The following MYO1B variants were observed in gnomAD, a reference collection of about 807,000 sequenced individuals.
MYO1B encodes unconventional myosin-Ib.
Under a neutral mutation model 159.7 loss-of-function variants are expected in MYO1B, and 72 were observed. That is an observed-to-expected ratio of 0.45 (90% CI 0.37 to 0.55). The LOEUF (loss-of-function observed/expected upper bound fraction) is 0.55, where lower values mean the gene tolerates loss of function less well. MYO1B is among the 20% of genes least tolerant of loss of function. MYO1B has a pLI of 0.00. For missense variants in MYO1B, 1,062 were observed against 1,364.8 expected (o/e 0.78, Z 3.50); for synonymous variants, 468 against 473.8 (o/e 0.99, Z 0.16).
chr2:191,318,530 T>C (rs1690497614), intron 3 of MYO1B, among the ~76,000 whole-genome samples: 1 of 152,214 alleles, frequency 6.6e-6, no homozygotes, highest in Non-Finnish European at 1.5e-5. Context: ...GCAGTCTCTG[T>C]TCCGATCCAA....
Position 191,362,383 on chromosome 2 carries a change from T to G in MYO1B, c.765+12T>G. 2 of 1,604,656 alleles carry G rather than the reference T, an allele frequency of 1.2e-6. No individual in the cohort carries two copies. Among genetic ancestry groups the G allele is most frequent in the Non-Finnish European group, 1.7e-6 (2 of 1,172,246 alleles). On this transcript the variant is annotated intron_variant, in intron 9 of 30. Coordinates refer to ENST00000392318, the MANE Select transcript of MYO1B (RefSeq NM_001130158.3). ...TTAGAACCGTGCGGGTAAGATGTAG[T>G]ACTTTCATCAAGCTTTAAATTGCAT... is the stretch of plus-strand genomic sequence containing the variant.
chr2:191,343,780 A>G (rs916428680), intron 5 of MYO1B, among the ~76,000 whole-genome samples: 1 of 152,226 alleles, frequency 6.6e-6, no homozygotes, highest in South Asian at 2.1e-4. Context: ...AGTGCAGGAA[A>G]TAGAAGAAAT....
chr2:191,402,465 C>T (rs1696673256), intron 23 of MYO1B, 167 bp from the exon 24 acceptor site: 2 of 636,426 alleles, frequency 3.1e-6, no homozygotes, highest in African/African-American at 1.8e-5. Flanking sequence ...AGCGCTGCAC[C>T]AGCCTGACAC....
rs772514594 is a variant in MYO1B at position 191,348,003 on chromosome 2, T to C, written c.498+1721T>C. ...CTCACATTTTGAACCAGTATTCCCA[T>C]GGAGATGCCTCACAGTGTCCGCTCC... On this transcript the variant is annotated intron_variant, in intron 6 of 30. Coordinates refer to ENST00000392318, the MANE Select transcript of MYO1B (RefSeq NM_001130158.3). Among the ~76,000 whole-genome samples the C allele has an allele frequency of 3.4e-4, 52 of 152,304 alleles. 1 individual carries two copies. Among genetic ancestry groups the C allele is most frequent in the African/African-American group, 1.1e-3 (45 of 41,580 alleles).
intron 3 of MYO1B, among the ~76,000 whole-genome samples, chr2:191,320,434 T>C (rs1326734381): frequency 6.6e-6 from 1 of 152,198 alleles, no homozygotes; most frequent in East Asian, 1.9e-4. Flanking sequence ...ATTATTCTTA[T>C]TTTTATTATT....
intron 3 of MYO1B, among the ~76,000 whole-genome samples, chr2:191,306,480 A>G (rs929332872): frequency 6.6e-6 from 1 of 152,174 alleles, no homozygotes; most frequent in Non-Finnish European, 1.5e-5. Flanking sequence ...TTAAGCAGGT[A>G]GGAGGAGAGA....
intron 13 of MYO1B, 63 bp downstream of exon 13, chr2:191,370,355 T>C: frequency 2.7e-6 from 3 of 1,131,478 alleles, no homozygotes; most frequent in Non-Finnish European, 4.0e-6. Context: ...AATTAAATCC[T>C]GTATTATGTA....
At chr2:191,294,753 T>C (rs566442033) in intron 2 of MYO1B, among the ~76,000 whole-genome samples, 1 of 152,284 alleles carries the variant, frequency 6.6e-6, no homozygotes, top group South Asian at 2.1e-4. Flanking sequence ...ATAATATTTG[T>C]CCACCTTTGA....
In MYO1B at chr2:191,405,894, GTAT is replaced by G. The variant is rs1227286712; in HGVS notation, c.2557-2216_2557-2214del. On this transcript the variant is annotated intron_variant, in intron 24 of 30. Coordinates refer to ENST00000392318, the MANE Select transcript of MYO1B (RefSeq NM_001130158.3). ...TAGCTCCAACTTAAAGTTAGCAGCT[GTAT>G]TATTCTTTAACAAGAGAATCAACCT... Among the ~76,000 whole-genome samples the G allele has an allele frequency of 2.0e-5, 3 of 152,258 alleles. No individual in the cohort carries two copies. The East Asian group carries it at 5.8e-4, about 29-fold the overall frequency.
chr2:191,296,077 A>C (rs368290963), intron 2 of MYO1B, 34 bp from the exon 3 acceptor site: 2 of 1,278,558 alleles, frequency 1.6e-6, no homozygotes, highest in South Asian at 2.8e-5. Flanking sequence ...TTTGTGTACT[A>C]ACTAATGGGC....
At chr2:191,261,527 C>T (rs1378312222) in intron 1 of MYO1B, among the ~76,000 whole-genome samples, 1 of 152,222 alleles carries the variant, frequency 6.6e-6, no homozygotes, top group Non-Finnish European at 1.5e-5. Flanking sequence ...GATGGGGACT[C>T]TGCTCCATTT....
At chr2:191,372,946 G>A (rs1694464416) in intron 13 of MYO1B, among the ~76,000 whole-genome samples, 1 of 128,160 alleles carries the variant, frequency 7.8e-6, no homozygotes, top group South Asian at 2.6e-4. Context: ...GAGTGCAGTG[G>A]TGCGATCTCG....
At chr2:191,279,404 A>G (rs1034269552) in intron 2 of MYO1B, among the ~76,000 whole-genome samples, 1 of 146,716 alleles carries the variant, frequency 6.8e-6, no homozygotes, top group Non-Finnish European at 1.5e-5. Flanking sequence ...AGAGACAGGT[A>G]TGTTACCTTC....
intron 4 of MYO1B, among the ~76,000 whole-genome samples, chr2:191,333,168 C>T (rs766127885): frequency 6.6e-6 from 1 of 152,146 alleles, no homozygotes; most frequent in Non-Finnish European, 1.5e-5. Context: ...TATCTTTCTC[C>T]ATTTTTTTCC....
chr2:191,369,684 C>A, intron 12 of MYO1B, 56 bp downstream of exon 12: 1 of 1,321,746 alleles, frequency 7.6e-7, no homozygotes, highest in Non-Finnish European at 1.1e-6. Flanking sequence ...ACAGTATAAA[C>A]ATTAAGTTGA....
At position 191,302,933 on chromosome 2, in the gene MYO1B, C is replaced by T. The variant is rs183554486; in HGVS notation, c.251+6707C>T. Among the ~76,000 whole-genome samples the T allele has an allele frequency of 1.9e-3, 294 of 152,324 alleles. 1 individual carries two copies. Among genetic ancestry groups the T allele is most frequent in the African/African-American group, 6.8e-3 (283 of 41,584 alleles). ...CCTCCGTCTGTGGACTCTTTGACCCCTACTTTTGGGCCAGACTGGTTTTTC... is the reference window on the plus strand; with the variant it reads ...CCTCCGTCTGTGGACTCTTTGACCCTTACTTTTGGGCCAGACTGGTTTTTC... On this transcript the variant is annotated intron_variant, in intron 3 of 30. Coordinates refer to ENST00000392318, the MANE Select transcript of MYO1B (RefSeq NM_001130158.3).
intron 28 of MYO1B, 77 bp downstream of exon 28, chr2:191,414,257 A>T: frequency 1.3e-6 from 2 of 1,514,606 alleles, no homozygotes; most frequent in Non-Finnish European, 1.8e-6. Flanking sequence ...GAATGTAAAA[A>T]TTTGCATTTC....
chr2:191,330,830 T>C (rs1691422546), intron 4 of MYO1B, among the ~76,000 whole-genome samples: 1 of 152,178 alleles, frequency 6.6e-6, no homozygotes, highest in South Asian at 2.1e-4. Flanking sequence ...ATATGATAAT[T>C]GGTCAATTAT....
intron 16 of MYO1B, 66 bp downstream of exon 16, chr2:191,386,150 A>C: frequency 4.7e-6 from 7 of 1,495,770 alleles, no homozygotes; most frequent in Non-Finnish European, 5.5e-6. Context: ...GCTGTACCTC[A>C]GAGATGGGCG....
Sources: gnomAD v4.1 joint callset for allele counts (sites outside exome capture counted in the v4.1 genomes callset) on GRCh38, gnomAD v4.1.1 for gene constraint, MANE v1.5 for transcripts, NCBI Gene and HGNC (gene_info 2026-07-23, HGNC 2026-07-21) for gene names.